Variants in NBEA observed in about 807,000 individuals in gnomAD.
The protein encoded by NBEA is neurobeachin.
NBEA carries 44 observed loss-of-function variants against 343.4 expected under a neutral mutation model. That is an observed-to-expected ratio of 0.13 (90% CI 0.10 to 0.16). The LOEUF is 0.16. Among genes scored for constraint, NBEA ranks in the 10% least tolerant of loss-of-function variants. NBEA has a pLI of 1.00. For synonymous variants in NBEA, 1,175 were observed against 1,238.7 expected, an observed-to-expected ratio of 0.95 and a Z score of 1.08; for missense variants, 2,555 against 3,631.3, an observed-to-expected ratio of 0.70 and a Z score of 7.62.
intron 40 of NBEA, among the ~76,000 whole-genome samples, chr13:35,471,584 T>C (rs896875399): frequency 2.6e-5 from 4 of 152,134 alleles, no homozygotes; most frequent in Non-Finnish European, 2.9e-5. Context: ...TGAATTCATA[T>C]TCCATACGCG....
chr13:35,048,195 G>C (rs2152562389), intron 4 of NBEA, among the ~76,000 whole-genome samples: 1 of 151,848 alleles, frequency 6.6e-6, no homozygotes, highest in Middle Eastern at 3.4e-3. Context: ...TAACCAAATG[G>C]GTTACTACTG....
rs186069983 is a variant in NBEA at position 35,286,324 on chromosome 13, T to C, written c.5777-4065T>C. On this transcript the variant is annotated intron_variant, in intron 34 of 58. Coordinates refer to ENST00000379939, the MANE Select transcript of NBEA (RefSeq NM_001385012.1). ...ACAGTTGATAGTGAATGATGATTTA[T>C]AGATTTATTGATTCAATTAATATTT... 9.2e-5 allele frequency among the ~76,000 whole-genome samples: 14 copies of C among 152,274 alleles called. No individual in the cohort carries two copies. In the East Asian group the frequency reaches 2.5e-3, roughly 27 times the overall value.
intron 34 of NBEA, among the ~76,000 whole-genome samples, chr13:35,241,603 T>C (rs922366890): frequency 6.6e-6 from 1 of 151,792 alleles, no homozygotes; most frequent in African/African-American, 2.4e-5. Context: ...AGTGAAAAGA[T>C]TGAGAGTAAC....
At chr13:35,087,031 A>G (rs895441573) in intron 10 of NBEA, among the ~76,000 whole-genome samples, 10 of 151,532 alleles carry the variant, frequency 6.6e-5, no homozygotes, top group African/African-American at 2.2e-4. Context: ...AGTTCCTTGT[A>G]TGTGCTGGAT....
intron 48 of NBEA, among the ~76,000 whole-genome samples, chr13:35,618,615 A>T (rs1466741324): frequency 6.6e-6 from 1 of 152,212 alleles, no homozygotes; most frequent in Non-Finnish European, 1.5e-5. Flanking sequence ...ATGCATTCTA[A>T]GGTCATTAAG....
chr13:35,183,665 A>G (rs1380495157), intron 29 of NBEA, among the ~76,000 whole-genome samples: 4 of 151,948 alleles, frequency 2.6e-5, no homozygotes, highest in Admixed American at 2.6e-4. Flanking sequence ...AAGACTTATC[A>G]TTTTCTTTTT....
chr13:35,004,782 G>C (rs1266294398), intron 1 of NBEA, among the ~76,000 whole-genome samples: 1 of 152,172 alleles, frequency 6.6e-6, no homozygotes, highest in Non-Finnish European at 1.5e-5. Flanking sequence ...TCCAAAAGAA[G>C]AGGATTTATA....
chr13:35,267,388 CA>C (rs1197413120), intron 34 of NBEA, among the ~76,000 whole-genome samples: 2 of 151,814 alleles, frequency 1.3e-5, no homozygotes, highest in Admixed American at 6.6e-5. Flanking sequence ...TTTATCTGTA[CA>C]TTTTTTAATG....
At chr13:35,396,249 T>C (rs2042740210) in intron 38 of NBEA, among the ~76,000 whole-genome samples, 1 of 152,092 alleles carries the variant, frequency 6.6e-6, no homozygotes, top group South Asian at 2.1e-4. Context: ...ATGTTTAGTT[T>C]ATTAGTGTTG....
intron 1 of NBEA, among the ~76,000 whole-genome samples, chr13:34,976,647 G>GTTTTTTTTT (rs1279170590): frequency 7.1e-6 from 1 of 141,838 alleles, no homozygotes; most frequent in African/African-American, 2.6e-5. Flanking sequence ...TTTTTTCTTT[G>GTTTTTTTTT]TTTTTTGTTT....
intron 36 of NBEA, among the ~76,000 whole-genome samples, chr13:35,314,123 C>T (rs1231317312): frequency 6.6e-6 from 1 of 152,010 alleles, no homozygotes; most frequent in Non-Finnish European, 1.5e-5. Context: ...TGGCAGAATT[C>T]AGAAGAGATT....
chr13:35,171,200 A>C lies in NBEA; in HGVS notation c.4243-72A>C. ...TACTAAATTTATGTTCACTTGTAGTATGTATGTATATGTATTATATTTCCA... is the reference window on the plus strand; with the variant it reads ...TACTAAATTTATGTTCACTTGTAGTCTGTATGTATATGTATTATATTTCCA... On this transcript the variant is annotated intron_variant, in intron 25 of 58. Transcript: ENST00000379939. 2.9e-6 allele frequency: 3 copies of C among 1,030,338 alleles called. No homozygotes were observed. In the South Asian group the frequency reaches 4.1e-5, roughly 14 times the overall value. 63.8% of individuals were successfully genotyped at this position (1,030,338 alleles called of 1,614,324 possible).
At chr13:34,990,215 G>T (rs761341049) in intron 1 of NBEA, among the ~76,000 whole-genome samples, 8 of 151,008 alleles carry the variant, frequency 5.3e-5, no homozygotes, top group Non-Finnish European at 1.2e-4. Context: ...ACTCCACTAG[G>T]CAGTGCCCCA....
rs532375655 is a variant in NBEA at position 34,991,640 on chromosome 13, A to G, written c.294+48526A>G. Reference sequence around the variant, plus strand: ...GGGGACACAGAGACAGATCATATCAATATACACTACACAGTACTATAATTT... The same window carrying G: ...GGGGACACAGAGACAGATCATATCAGTATACACTACACAGTACTATAATTT... On this transcript the variant is annotated intron_variant, in intron 1 of 58. Coordinates refer to ENST00000379939, the MANE Select transcript of NBEA (RefSeq NM_001385012.1). Among the ~76,000 whole-genome samples the G allele has an allele frequency of 7.4e-4, 113 of 152,308 alleles. 3 individuals are homozygous for G. The South Asian group carries it at 0.023, about 31-fold the overall frequency.
intron 1 of NBEA, among the ~76,000 whole-genome samples, chr13:34,990,925 A>G (rs1326360846): frequency 6.6e-6 from 1 of 152,240 alleles, no homozygotes; most frequent in Non-Finnish European, 1.5e-5. Flanking sequence ...ATCTTAAATC[A>G]TCTCTCAAGT....
rs143337402 is a variant in NBEA at position 35,292,917 on chromosome 13, G to C, written c.5838+2467G>C. Among the ~76,000 whole-genome samples, 818 of 151,996 alleles carry C rather than the reference G, an allele frequency of 5.4e-3. 2 individuals are homozygous for C. The highest frequency in any genetic ancestry group is 8.7e-3 in the Non-Finnish European group (588 of 67,894). On this transcript the variant is annotated intron_variant, in intron 35 of 58. Transcript: ENST00000379939. ...ATTTTTTGAGAGACCGGGCAGATAA[G>C]TATTAAAAAGGGAAAAGAAAATGCA...
chr13:35,236,609 G>GAT (rs1478148683), intron 34 of NBEA, among the ~76,000 whole-genome samples: 62 of 150,158 alleles, frequency 4.1e-4, no homozygotes, highest in Middle Eastern at 3.5e-3. Flanking sequence ...ACCACGCCCA[G>GAT]ATATATATTT....
intron 33 of NBEA, among the ~76,000 whole-genome samples, chr13:35,225,495 CT>C (rs2074601078): frequency 6.6e-6 from 1 of 152,104 alleles, no homozygotes; most frequent in Admixed American, 6.6e-5. Context: ...TTAATTCTCC[CT>C]CCTTTAACCT....
At chr13:35,530,505 G>T (rs577956648) in intron 41 of NBEA, among the ~76,000 whole-genome samples, 1 of 152,274 alleles carries the variant, frequency 6.6e-6, no homozygotes, top group South Asian at 2.1e-4. Flanking sequence ...CCTTCTTGTT[G>T]GTTTAAACCA....
Sources: gnomAD v4.1 joint callset for allele counts (sites outside exome capture counted in the v4.1 genomes callset) on GRCh38, gnomAD v4.1.1 for gene constraint, MANE v1.5 for transcripts, NCBI Gene and HGNC (gene_info 2026-07-23, HGNC 2026-07-21) for gene names.